LMNB2: variants seen among roughly 807,000 people sequenced by gnomAD.
LMNB2 encodes the protein lamin B2, also known as lamin-B2.
A neutral mutation model predicts 69.3 loss-of-function variants in LMNB2; 17 were observed. The ratio of observed to expected loss-of-function variants is 0.25; its 90% CI spans 0.17 to 0.37. The LOEUF (loss-of-function observed/expected upper bound fraction) is 0.37, where lower values mean the gene tolerates loss of function less well. Among genes scored for constraint, LMNB2 ranks in the 10% least tolerant of loss-of-function variants. LMNB2 has a pLI of 1.00. For synonymous variants in LMNB2, 397 were observed against 389.3 expected, an observed-to-expected ratio of 1.02 and a Z score of -0.23; for missense variants, 789 against 883.6, an observed-to-expected ratio of 0.89 and a Z score of 1.36.
At chr19:2,436,493 C>T (rs1004280055) in intron 4 of LMNB2, among the ~76,000 whole-genome samples, 42 of 152,088 alleles carry the variant, frequency 2.8e-4, no homozygotes, top group Middle Eastern at 3.4e-3. Context: ...CAGAGCCCTG[C>T]GGGCCGCGCA....
chr19:2,450,956 G>T (rs1972015047), intron 1 of LMNB2, among the ~76,000 whole-genome samples: 1 of 151,814 alleles, frequency 6.6e-6, no homozygotes, highest in Non-Finnish European at 1.5e-5. Context: ...AATGGCTAGG[G>T]GTAGCCAGGA....
chr19:2,436,287 GA>G (rs1280522696), intron 4 of LMNB2, among the ~76,000 whole-genome samples: 3 of 152,054 alleles, frequency 2.0e-5, no homozygotes, highest in African/African-American at 7.2e-5. Context: ...CGTCTCAAAA[GA>G]AAAAAATTAG....
At chr19:2,432,038 A>G in intron 9 of LMNB2, 136 bp from the exon 10 acceptor site, 1 of 1,141,606 alleles carries the variant, frequency 8.8e-7, no homozygotes. Context: ...AGGCTTATCC[A>G]GGGTGATGGT....
In LMNB2 at chr19:2,428,343, G is replaced by A. The variant is rs1337221836; in HGVS notation, c.*2568C>T. 1 of 152,266 alleles carries A rather than the reference G, an allele frequency of 6.6e-6. No individual in the cohort carries two copies. The highest frequency in any genetic ancestry group is 2.4e-5 in the African/African-American group (1 of 41,466). The allele number at this position is 152,266 out of a possible 1,614,324, so 9.4% of individuals were successfully genotyped here. On this transcript the variant is annotated 3_prime_UTR_variant, in exon 12 of 12. Transcript: ENST00000325327. ...CAGCCCAGCTCCGTTTTTGCAGGTTGTGCTGTGACGCTCGCTGGACGCAGG... is the reference window on the plus strand; with the variant it reads ...CAGCCCAGCTCCGTTTTTGCAGGTTATGCTGTGACGCTCGCTGGACGCAGG...
At chr19:2,436,520 CCCTCCCG>C (rs1470710319) in intron 4 of LMNB2, among the ~76,000 whole-genome samples, 2 of 151,090 alleles carry the variant, frequency 1.3e-5, no homozygotes, top group South Asian at 4.2e-4. Flanking sequence ...TCCACGGCCG[CCCTCCCG>C]CCTCCACGGC....
In LMNB2 at chr19:2,431,787, C is replaced by T. The variant is rs745499299; in HGVS notation, c.1706G>A (p.Gly569Asp). 1.2e-6 allele frequency: 2 copies of T among 1,613,900 alleles called. No homozygotes were observed. Among genetic ancestry groups the T allele is most frequent in the South Asian group, 1.1e-5 (1 of 91,088 alleles). Residue 569 changes from glycine (G) to aspartate (D), a missense_variant, in exon 10 of 12, where the codon GGC (glycine) becomes GAC (aspartate). Physicochemically the swap from Gly to Asp is moderately conservative, Grantham distance 94 (BLOSUM62 -1). Around this residue, in one of 3 missense-constraint regions of LMNB2, gnomAD observed 609 missense variants for 630.9 expected, o/e 0.97. Transcript: ENST00000325327. ...SFRTVLVNAD[G>D]EEVAMRTVKK... ...CCCCAAGCCACACACACCCACCTCG[C>T]CATCCGCGTTAACCAGGACGGTGCG...
rs1189410244 is a variant in LMNB2, at chr19:2,431,730, C to G, written c.1710+53G>C. 4.3e-6 allele frequency: 7 copies of G among 1,613,510 alleles called. No homozygotes were observed. In the Admixed American group the frequency reaches 1.0e-4, roughly 23 times the overall value. ...GCTGCTGTGGCGGCCCCGAGGGTGC[C>G]CAGACCCTGCCCAGGACTCCAGCCG... On this transcript the variant is annotated intron_variant, in intron 10 of 11. Coordinates refer to ENST00000325327, the MANE Select transcript of LMNB2 (RefSeq NM_032737.4).
At chr19:2,456,139 C>T (rs1430621799) in intron 1 of LMNB2, among the ~76,000 whole-genome samples, 2 of 151,534 alleles carry the variant, frequency 1.3e-5, no homozygotes, top group Non-Finnish European at 2.9e-5. Flanking sequence ...CGAGTAGCAC[C>T]TTTCACTCAG....
At chr19:2,445,253 CCCCCGCTCCCCCAGA>C (rs1174037945) in intron 1 of LMNB2, among the ~76,000 whole-genome samples, 1 of 151,262 alleles carries the variant, frequency 6.6e-6, no homozygotes, top group Non-Finnish European at 1.5e-5. Flanking sequence ...CAACCTGGAG[CCCCCGCTCCCCCAGA>C]CCCCGCTGAG....
chr19:2,449,329 C>A (rs915037598), intron 1 of LMNB2, among the ~76,000 whole-genome samples: 8 of 152,212 alleles, frequency 5.3e-5, no homozygotes, highest in African/African-American at 1.9e-4. Flanking sequence ...TGGCTTCCAC[C>A]ATCCGGGAGT....
intron 1 of LMNB2, among the ~76,000 whole-genome samples, chr19:2,454,351 C>T (rs571312540): frequency 8.6e-5 from 13 of 151,710 alleles, no homozygotes; most frequent in African/African-American, 2.9e-4. Flanking sequence ...CACTGATCTT[C>T]CTTCTACCTC....
At position 2,433,945 on chromosome 19, in the gene LMNB2, C is replaced by G. The variant is rs772769360; in HGVS notation, c.1363G>C (p.Gly455Arg). ...LGSGPSVLGT[G>R]TGGSGGFHLA... is the part of the protein sequence containing the mutation. Reference sequence around the variant, plus strand: ...TGGAAGCCACCGCTGCCACCCGTGCCCGTGCCCAGGACGCTTGGGCCGCTG... The same window carrying G: ...TGGAAGCCACCGCTGCCACCCGTGCGCGTGCCCAGGACGCTTGGGCCGCTG... The change falls in exon 8 of 12, where the codon GGC becomes CGC. Residue 455 changes from glycine (G) to arginine (R), a missense_variant. By Grantham distance (125) the Gly-to-Arg change is moderately radical. Around this residue, in one of 3 missense-constraint regions of LMNB2, gnomAD observed 609 missense variants for 630.9 expected, o/e 0.97. Coordinates refer to ENST00000325327, the MANE Select transcript of LMNB2 (RefSeq NM_032737.4). The G allele has an allele frequency of 5.0e-5, 80 of 1,612,088 alleles. No individual in the cohort carries two copies. The Admixed American group carries it at 1.3e-3, about 26-fold the overall frequency.
At position 2,454,902 on chromosome 19, in the gene LMNB2, T is replaced by TG. The variant is rs1438215888; in HGVS notation, c.264+1767dup. On this transcript the variant is annotated intron_variant, in intron 1 of 11. Transcript: ENST00000325327. ...AAGACACCCCGACCTCATGTCCCCTTGGTGGGCAGACTTTCCCGCCTCTTC... is the reference window on the plus strand; with the variant it reads ...AAGACACCCCGACCTCATGTCCCCTTGGGTGGGCAGACTTTCCCGCCTCTTC... Among the ~76,000 whole-genome samples, 4 of 152,120 alleles carry TG rather than the reference T, an allele frequency of 2.6e-5. No individual in the cohort carries two copies. In the East Asian group the frequency reaches 7.7e-4, roughly 29 times the overall value.
intron 1 of LMNB2, among the ~76,000 whole-genome samples, chr19:2,452,555 A>T (rs961207024): frequency 2.0e-5 from 3 of 151,718 alleles, no homozygotes; most frequent in Non-Finnish European, 4.4e-5. Context: ...GTGAAATCCC[A>T]TCTCTACTAA....
chr19:2,455,467 C>A (rs1341370625), intron 1 of LMNB2, among the ~76,000 whole-genome samples: 1 of 152,106 alleles, frequency 6.6e-6, no homozygotes, highest in Non-Finnish European at 1.5e-5. Flanking sequence ...ATATGGGGGG[C>A]TGCAGCCCAA....
chr19:2,441,406 G>A (rs955571884), intron 2 of LMNB2, among the ~76,000 whole-genome samples: 9 of 152,226 alleles, frequency 5.9e-5, no homozygotes, highest in Non-Finnish European at 1.0e-4. Flanking sequence ...ACCCCTGTCC[G>A]CAGCCCTCAG....
chr19:2,448,104 C>T (rs1971979173), intron 1 of LMNB2, among the ~76,000 whole-genome samples: 1 of 152,228 alleles, frequency 6.6e-6, no homozygotes, highest in African/African-American at 2.4e-5. Context: ...CCCCGGCCAC[C>T]CCCAAGCCCT....
rs1411926410 is a variant in LMNB2, at chr19:2,453,341, C to G, written c.264+3329G>C. 3.9e-5 allele frequency among the ~76,000 whole-genome samples: 6 copies of G among 152,190 alleles called. No homozygotes were observed. The highest frequency in any genetic ancestry group is 7.4e-5 in the Non-Finnish European group (5 of 67,978). On this transcript the variant is annotated intron_variant, in intron 1 of 11. Coordinates refer to ENST00000325327, the MANE Select transcript of LMNB2 (RefSeq NM_032737.4). The surrounding 1 kb of genome is among the most constrained non-coding windows in gnomAD (Gnocchi z 4.4). Reference sequence around the variant, plus strand: ...CGTTCAGAGCTCCCTCCCCTGCCCCCATCCTGCCAGCCTGAGCCTGAGGCT... The same window carrying G: ...CGTTCAGAGCTCCCTCCCCTGCCCCGATCCTGCCAGCCTGAGCCTGAGGCT...
At chr19:2,451,693 C>G (rs143099055) in intron 1 of LMNB2, among the ~76,000 whole-genome samples, 395 of 152,322 alleles carry the variant, frequency 2.6e-3, no homozygotes, top group African/African-American at 9.0e-3. Context: ...GTGGGCCTGG[C>G]AGGGCTCAGA....
Sources: gnomAD v4.1 joint callset for allele counts (sites outside exome capture counted in the v4.1 genomes callset) on GRCh38, gnomAD v4.1.1 for gene constraint, gnomAD v4.1.1 regional missense constraint, Gnocchi (gnomAD v3.1) non-coding constraint, MANE v1.5 for transcripts, NCBI Gene and HGNC (gene_info 2026-07-23, HGNC 2026-07-21) for gene names.